Variants in CNTN3 observed in about 807,000 individuals in gnomAD.
CNTN3 encodes the protein contactin 3.
In CNTN3, 60 loss-of-function variants were observed where a neutral mutation model predicts 119.1. That is an observed-to-expected ratio of 0.50 (90% CI 0.41 to 0.62). The LOEUF (loss-of-function observed/expected upper bound fraction) is 0.62, where lower values mean the gene tolerates loss of function less well. Ranked by LOEUF, CNTN3 falls within the 20% of genes least tolerant of loss-of-function variation. The probability of loss-of-function intolerance (pLI) is 0.00; values close to 1 mark genes in which losing one functional copy is unlikely to be tolerated. For missense variants in CNTN3, 1,101 were observed against 1,242.4 expected (o/e 0.89, Z 1.71); for synonymous variants, 450 against 438.7 (o/e 1.03, Z -0.32).
intron 4 of CNTN3, among the ~76,000 whole-genome samples, chr3:74,445,596 T>C (rs1215222628): frequency 6.6e-6 from 1 of 152,196 alleles, no homozygotes; most frequent in Non-Finnish European, 1.5e-5. Flanking sequence ...AATAAGATAT[T>C]TATTTAACTA....
At chr3:74,470,298 C>A (rs1702536429) in intron 4 of CNTN3, among the ~76,000 whole-genome samples, 1 of 152,094 alleles carries the variant, frequency 6.6e-6, no homozygotes, top group Middle Eastern at 3.2e-3. Context: ...ACTAGAAACA[C>A]GGAATTGTAT....
chr3:74,369,089 T>C (rs1247590002), intron 8 of CNTN3, 100 bp downstream of exon 8: 2 of 794,518 alleles, frequency 2.5e-6, no homozygotes, highest in Admixed American at 3.9e-5. Context: ...AAGTTGAACA[T>C]TGGGATTCTG....
Position 74,365,485 on chromosome 3 carries a change from G to GT in CNTN3, c.1083+80_1083+81insA, listed in dbSNP as rs1704166511. On this transcript the variant is annotated intron_variant, in intron 9 of 22. Coordinates refer to ENST00000263665, the MANE Select transcript of CNTN3 (RefSeq NM_020872.3). ...GTTTATTTTGGGACTAGGGACTAAA[G>GT]AAAGCATTTGCTAAACACCAAGTGA... 2.6e-6 allele frequency: 4 copies of GT among 1,568,480 alleles called. No individual in the cohort carries two copies. The South Asian group carries it at 4.5e-5, about 18-fold the overall frequency.
chr3:74,525,290 A>C (rs1445179459), intron 1 of CNTN3, among the ~76,000 whole-genome samples: 1 of 151,932 alleles, frequency 6.6e-6, no homozygotes, highest in African/African-American at 2.4e-5. Flanking sequence ...ACACACATGC[A>C]TACACTGTAA....
intron 2 of CNTN3, among the ~76,000 whole-genome samples, chr3:74,513,785 A>G (rs6419786): frequency 0.92 from 140,292 of 152,070 alleles, 64,889 homozygotes; most frequent in East Asian, 0.98. Context: ...CTCCTATTAA[A>G]GTGACAGGTA....
At chr3:74,269,245 A>T (rs1701720880) in intron 20 of CNTN3, among the ~76,000 whole-genome samples, 1 of 152,106 alleles carries the variant, frequency 6.6e-6, no homozygotes, top group African/African-American at 2.4e-5. Context: ...TCACACAATA[A>T]TTAGCTTGAT....
chr3:74,569,203 T>C (rs977542611), intron 1 of CNTN3, among the ~76,000 whole-genome samples: 3 of 152,184 alleles, frequency 2.0e-5, no homozygotes, highest in African/African-American at 4.8e-5. Context: ...TGACTTCTTG[T>C]ACAGGCCTGC....
At chr3:74,324,522 A>G (rs1703082943) in intron 13 of CNTN3, among the ~76,000 whole-genome samples, 1 of 152,206 alleles carries the variant, frequency 6.6e-6, no homozygotes, top group Non-Finnish European at 1.5e-5. Flanking sequence ...ATGTAATTTT[A>G]TTGAAGGCTT....
intron 1 of CNTN3, among the ~76,000 whole-genome samples, chr3:74,575,781 G>C (rs1371747173): frequency 1.3e-5 from 2 of 151,754 alleles, no homozygotes; most frequent in Non-Finnish European, 2.9e-5. Context: ...ATGTGAAATT[G>C]TTCTAAGAGG....
chr3:74,338,143 AT>A (rs1703440060), intron 11 of CNTN3, among the ~76,000 whole-genome samples: 1 of 152,016 alleles, frequency 6.6e-6, no homozygotes, highest in African/African-American at 2.4e-5. Context: ...TCTTAAAAAT[AT>A]TTGCAACCCC....
At position 74,370,000 on chromosome 3, in the gene CNTN3, C is replaced by A. The variant is rs766561066; in HGVS notation, c.659-9G>T. 7.0e-7 allele frequency: 1 copy of A among 1,430,188 alleles called. No homozygotes were observed. Among genetic ancestry groups the A allele is most frequent in the Non-Finnish European group, 9.8e-7 (1 of 1,020,472 alleles). The allele number at this position is 1,430,188 out of a possible 1,614,324, so 88.6% of individuals were successfully genotyped here. On this transcript the variant is annotated splice_polypyrimidine_tract_variant and intron_variant, in intron 6 of 22. Coordinates refer to ENST00000263665, the MANE Select transcript of CNTN3 (RefSeq NM_020872.3). Reference sequence around the variant, plus strand: ...ATATTCACCCATCACACCTATAAATCCACAATATAAAGTTAATCGTTTCAA... The same window carrying A: ...ATATTCACCCATCACACCTATAAATACACAATATAAAGTTAATCGTTTCAA...
In CNTN3 at chr3:74,347,908, T is replaced by C. The variant is rs77188805; in HGVS notation, c.1365-11250A>G. On this transcript the variant is annotated intron_variant, in intron 11 of 22. Coordinates refer to ENST00000263665, the MANE Select transcript of CNTN3 (RefSeq NM_020872.3). ...GAAGATCCTGCTATTTGTCACAACA[T>C]GGATGAACCTAGAGGACATTATGTG... Among the ~76,000 whole-genome samples the C allele has an allele frequency of 2.7e-3, 415 of 152,324 alleles. 18 individuals carry two copies. The East Asian group carries it at 0.072, about 26-fold the overall frequency.
intron 13 of CNTN3, among the ~76,000 whole-genome samples, chr3:74,320,771 A>G (rs1465843715): frequency 6.6e-6 from 1 of 152,202 alleles, no homozygotes; most frequent in Non-Finnish European, 1.5e-5. Flanking sequence ...CACTCCCTCC[A>G]GTGCACAACC....
intron 1 of CNTN3, among the ~76,000 whole-genome samples, chr3:74,531,973 C>T (rs1342453824): frequency 6.6e-6 from 1 of 151,238 alleles, no homozygotes; most frequent in East Asian, 2.0e-4. Flanking sequence ...GGCATGTAAA[C>T]TTTACCTCAA....
At chr3:74,552,608 G>T (rs1184680859) in intron 1 of CNTN3, among the ~76,000 whole-genome samples, 1 of 152,106 alleles carries the variant, frequency 6.6e-6, no homozygotes, top group Admixed American at 6.5e-5. Flanking sequence ...TTTTTGGAAT[G>T]TTGTCTCATA....
At chr3:74,408,594 C>T (rs1438938089) in intron 5 of CNTN3, among the ~76,000 whole-genome samples, 1 of 152,076 alleles carries the variant, frequency 6.6e-6, no homozygotes. Flanking sequence ...ATCTCGAGGG[C>T]CATTCTCAAC....
At chr3:74,395,846 A>G (rs532118759) in intron 5 of CNTN3, among the ~76,000 whole-genome samples, 1 of 152,158 alleles carries the variant, frequency 6.6e-6, no homozygotes, top group East Asian at 1.9e-4. Flanking sequence ...GCGTGTGCTC[A>G]CTACATGTCT....
chr3:74,531,079 T>C (rs1703686796), intron 1 of CNTN3, among the ~76,000 whole-genome samples: 1 of 151,950 alleles, frequency 6.6e-6, no homozygotes, highest in African/African-American at 2.4e-5. Context: ...GTAGGTGAGC[T>C]AGGTGAGAAA....
intron 4 of CNTN3, among the ~76,000 whole-genome samples, chr3:74,475,725 G>T (rs952114304): frequency 6.6e-6 from 1 of 152,036 alleles, no homozygotes; most frequent in Non-Finnish European, 1.5e-5. Context: ...CTTCTTCATG[G>T]ATTTCATACT....
Sources: gnomAD v4.1 joint callset for allele counts (sites outside exome capture counted in the v4.1 genomes callset) on GRCh38, gnomAD v4.1.1 for gene constraint, MANE v1.5 for transcripts, NCBI Gene and HGNC (gene_info 2026-07-23, HGNC 2026-07-21) for gene names.